The following BIN2 variants were observed in gnomAD, a reference collection of about 807,000 sequenced individuals.
BIN2 encodes the protein breast cancer associated protein BRAP1.
Under a neutral mutation model 67.9 loss-of-function variants are expected in BIN2, and 43 were observed. The ratio of observed to expected loss-of-function variants is 0.63; its 90% CI spans 0.50 to 0.82. The LOEUF (loss-of-function observed/expected upper bound fraction) is 0.82, where lower values mean the gene tolerates loss of function less well. Ranked by LOEUF, BIN2 falls within the 40% of genes least tolerant of loss-of-function variation. The pLI is 0.00. For synonymous variants in BIN2, 244 were observed against 246.8 expected, an observed-to-expected ratio of 0.99 and a Z score of 0.11; for missense variants, 581 against 671.6, an observed-to-expected ratio of 0.87 and a Z score of 1.49.
rs1344620392 is a variant in BIN2 at position 51,295,578 on chromosome 12, ATATATATATATATAT to A, written c.761+203_761+217del. Among the ~76,000 whole-genome samples, 29 of 59,526 alleles carry A rather than the reference ATATATATATATATAT, an allele frequency of 4.9e-4. 2 individuals are homozygous for A. Among genetic ancestry groups the A allele is most frequent in the African/African-American group, 8.2e-4 (12 of 14,682 alleles). The allele number at this position is 59,526 out of a possible 152,430, so 39.1% of individuals were successfully genotyped here. A position where few individuals can be genotyped will look rare whatever the true frequency, so the allele number is the denominator to read the frequency against. ...ACTCCGTCTCAAAAAAAAAAAAAAA[ATATATATATATATAT>A]ATATATATATATATATATATATATA... On this transcript the variant is annotated intron_variant, in intron 9 of 12. Coordinates refer to ENST00000615107, the MANE Select transcript of BIN2 (RefSeq NM_016293.4).
At chr12:51,296,463 C>A (rs1171213724) in intron 8 of BIN2, among the ~76,000 whole-genome samples, 7 of 151,266 alleles carry the variant, frequency 4.6e-5, no homozygotes, top group Admixed American at 4.6e-4. Flanking sequence ...CGCCACTGCA[C>A]TCCAGCCTAG....
chr12:51,293,801 G>A (rs1824526340), intron 9 of BIN2, among the ~76,000 whole-genome samples: 1 of 152,150 alleles, frequency 6.6e-6, no homozygotes, highest in South Asian at 2.1e-4. Flanking sequence ...ATACTCATGA[G>A]CTTGTAAGAA....
At chr12:51,294,207 A>G (rs78498474) in intron 9 of BIN2, among the ~76,000 whole-genome samples, 5,714 of 152,284 alleles carry the variant, frequency 0.038, 123 homozygotes, top group East Asian at 0.098. Context: ...CTTACAAACA[A>G]CACTAAGAGA....
Position 51,301,446 on chromosome 12 carries a change from A to G in BIN2, c.408+574T>C, listed in dbSNP as rs539236823. 4.6e-5 allele frequency among the ~76,000 whole-genome samples: 7 copies of G among 152,268 alleles called. No homozygotes were observed. The South Asian group carries it at 1.5e-3, about 32-fold the overall frequency. On this transcript the variant is annotated intron_variant, in intron 5 of 12. Transcript: ENST00000615107. ...CAGCTGTTTCTCACAGCTAAAAGGGATGCCTCTAACTTGGATCTAATTCGA... is the reference window on the plus strand; with the variant it reads ...CAGCTGTTTCTCACAGCTAAAAGGGGTGCCTCTAACTTGGATCTAATTCGA...
At chr12:51,298,963 C>T (rs1181909510) in intron 7 of BIN2, among the ~76,000 whole-genome samples, 2 of 151,720 alleles carry the variant, frequency 1.3e-5, no homozygotes, top group Admixed American at 6.6e-5. Flanking sequence ...ATCCCAGGTA[C>T]TCGGGTGGCT....
At position 51,313,842 on chromosome 12, in the gene BIN2, C is replaced by G. The variant is rs7312857; in HGVS notation, c.143G>C (p.Ser48Thr). 6.2e-7 allele frequency: 1 copy of G among 1,613,458 alleles called. No individual in the cohort carries two copies. The highest frequency in any genetic ancestry group is 2.2e-5 in the East Asian group (1 of 44,850). Residue 48 changes from serine (S) to threonine (T), a missense_variant, in exon 2 of 13, where the codon AGC becomes ACC. Ser to Thr is a moderately conservative substitution (Grantham distance 58). Coordinates refer to ENST00000615107, the MANE Select transcript of BIN2 (RefSeq NM_016293.4). ...GATTACCTGTTGTTGGTAGAAGTTG[C>G]TAGCGCTTTGTTCAAATCGTTCATC... is the stretch of plus-strand genomic sequence containing the variant. ...TKDERFEQSA[S>T]NFYQQQAEGH...
rs1945115771 is a variant in BIN2, at chr12:51,281,383, T to C, written c.*116A>G. 2 of 1,152,266 alleles carry C rather than the reference T, an allele frequency of 1.7e-6. No individual in the cohort carries two copies. The highest frequency in any genetic ancestry group is 2.6e-6 in the Non-Finnish European group (2 of 769,142). The allele number at this position is 1,152,266 out of a possible 1,614,324, so 71.4% of individuals were successfully genotyped here. ...GCCAGGTCTTTAGACAGCACCAGCA[T>C]TCCTACTGAGAACCCAGGGATGGAT... On this transcript the variant is annotated 3_prime_UTR_variant, in exon 13 of 13. Coordinates refer to ENST00000615107, the MANE Select transcript of BIN2 (RefSeq NM_016293.4).
intron 11 of BIN2, among the ~76,000 whole-genome samples, chr12:51,286,716 C>A (rs1455647887): frequency 1.3e-5 from 2 of 152,154 alleles, no homozygotes; most frequent in Admixed American, 6.6e-5. Context: ...TACTCAAAAC[C>A]CCGCATCTAT....
intron 1 of BIN2, among the ~76,000 whole-genome samples, chr12:51,317,807 T>C (rs1321900850): frequency 6.6e-6 from 1 of 151,734 alleles, no homozygotes; most frequent in East Asian, 1.9e-4. Flanking sequence ...GCTAACACGA[T>C]GAAACCCCGT....
intron 1 of BIN2, 122 bp downstream of exon 1, chr12:51,323,900 T>G (rs1308260073): frequency 2.9e-5 from 35 of 1,194,544 alleles, no homozygotes; most frequent in Non-Finnish European, 3.1e-5. Flanking sequence ...CGGGAGACCC[T>G]TCTCGTCAGC....
Position 51,322,627 on chromosome 12 carries a change from C to T in BIN2, c.81+1395G>A, listed in dbSNP as rs186154311. 1.3e-4 allele frequency: 19 copies of T among 151,288 alleles called. No homozygotes were observed. In the East Asian group the frequency reaches 3.7e-3, roughly 30 times the overall value. 9.4% of individuals were successfully genotyped at this position (151,288 alleles called of 1,614,324 possible). Reference sequence around the variant, plus strand: ...TTAGGGTTTTTTTTTTTTTCAACCACAGTGTGGCCTTCTCTCCAGTACCTC... The same window carrying T: ...TTAGGGTTTTTTTTTTTTTCAACCATAGTGTGGCCTTCTCTCCAGTACCTC... On this transcript the variant is annotated intron_variant, in intron 1 of 12. Transcript: ENST00000615107.
chr12:51,324,037 G>A lies in BIN2; in HGVS notation c.66C>T (p.Ser22=), dbSNP rs374696948. ...GGCCACCTACCTTCTCCTGGGCCCT[G>A]CTAAACTTCTTCTGCACCTGCTTGG... ...LFAKQVQKKF[S]RAQEKVLQKL... is the part of the protein sequence containing the mutation. Residue 22 remains serine, a synonymous_variant, in exon 1 of 13, where the codon AGC becomes AGT. Coordinates refer to ENST00000615107, the MANE Select transcript of BIN2 (RefSeq NM_016293.4). 34 of 1,613,550 alleles carry A rather than the reference G, an allele frequency of 2.1e-5. No homozygotes were observed. The highest frequency in any genetic ancestry group is 2.6e-5 in the Non-Finnish European group (31 of 1,179,698).
At chr12:51,283,325 C>A (rs1945160742) in intron 12 of BIN2, among the ~76,000 whole-genome samples, 1 of 151,378 alleles carries the variant, frequency 6.6e-6, no homozygotes, top group South Asian at 2.1e-4. Context: ...AAAACAGCCT[C>A]AAGTAGATCC....
intron 7 of BIN2, among the ~76,000 whole-genome samples, chr12:51,297,996 A>C (rs1259005238): frequency 6.6e-6 from 1 of 152,170 alleles, no homozygotes; most frequent in Admixed American, 6.6e-5. Context: ...CTGTAATCCC[A>C]GCACTTTGGG....
intron 7 of BIN2, among the ~76,000 whole-genome samples, chr12:51,297,705 A>G (rs912602538): frequency 1.3e-5 from 2 of 152,216 alleles, no homozygotes; most frequent in African/African-American, 4.8e-5. Context: ...TCAGGCTGAC[A>G]CCAAAGTTTA....
intron 11 of BIN2, 82 bp from the exon 12 acceptor site, chr12:51,284,869 A>G (rs1279344834): frequency 4.0e-6 from 4 of 1,011,594 alleles, no homozygotes; most frequent in Non-Finnish European, 6.3e-6. Flanking sequence ...TGTGCCTTAT[A>G]CTTTACAAGG....
intron 9 of BIN2, among the ~76,000 whole-genome samples, chr12:51,294,314 A>G (rs1945473178): frequency 6.6e-6 from 1 of 152,230 alleles, no homozygotes; most frequent in African/African-American, 2.4e-5. Context: ...CACACCGGTA[A>G]TCCCAGCACT....
intron 9 of BIN2, among the ~76,000 whole-genome samples, chr12:51,295,561 T>G (rs1411123659): frequency 1.6e-4 from 2 of 12,754 alleles, no homozygotes; most frequent in Non-Finnish European, 1.5e-4. Context: ...AGACTCCGTC[T>G]CAAAAAAAAA....
At chr12:51,296,034 G>C (rs563037691) in intron 8 of BIN2, among the ~76,000 whole-genome samples, 156 bp from the exon 9 acceptor site, 1 of 152,108 alleles carries the variant, frequency 6.6e-6, no homozygotes, top group African/African-American at 2.4e-5. Context: ...TTAGAGTCCA[G>C]GGTCCTGTCC....
Sources: allele counts gnomAD v4.1 joint callset (sites outside exome capture counted in the v4.1 genomes callset), GRCh38; gene constraint gnomAD v4.1.1; transcripts MANE v1.5; gene names NCBI Gene and HGNC (gene_info 2026-07-23, HGNC 2026-07-21).